Variants in STT3B observed in about 807,000 individuals in gnomAD.
STT3B encodes the protein STT3 oligosaccharyltransferase complex catalytic subunit B, also known as dolichyl-diphosphooligosaccharide--protein glycosyltransferase subunit STT3B.
A neutral mutation model predicts 96.8 loss-of-function variants in STT3B; 29 were observed. The observed-to-expected ratio is 0.30, with a 90% CI of 0.22 to 0.41. The LOEUF (loss-of-function observed/expected upper bound fraction) is 0.41. STT3B is among the 10% of genes least tolerant of loss of function. The probability of loss-of-function intolerance (pLI) is 1.00; values close to 1 mark genes in which losing one functional copy is unlikely to be tolerated. For missense variants in STT3B, 640 were observed against 1,022.3 expected, an observed-to-expected ratio of 0.63 and a Z score of 5.10; for synonymous variants, 367 against 360.0, an observed-to-expected ratio of 1.02 and a Z score of -0.22.
At chr3:31,605,192 G>A (rs918093305) in intron 5 of STT3B, among the ~76,000 whole-genome samples, 11 of 152,006 alleles carry the variant, frequency 7.2e-5, no homozygotes, top group African/African-American at 2.4e-4. Context: ...GTGAATCTAA[G>A]GAGTGTTCCT....
intron 13 of STT3B, among the ~76,000 whole-genome samples, chr3:31,627,302 T>C (rs1699558625): frequency 6.6e-6 from 1 of 152,160 alleles, no homozygotes; most frequent in African/African-American, 2.4e-5. Context: ...ATGCAGGGGA[T>C]CTAGGTTGCA....
At chr3:31,555,519 C>T (rs1292651988) in intron 1 of STT3B, among the ~76,000 whole-genome samples, 1 of 152,032 alleles carries the variant, frequency 6.6e-6, no homozygotes, top group African/African-American at 2.4e-5. Flanking sequence ...TTCTGTTACT[C>T]CTGCTTCTCT....
chr3:31,578,767 T>A (rs1403166731), intron 2 of STT3B, among the ~76,000 whole-genome samples: 2 of 152,102 alleles, frequency 1.3e-5, no homozygotes, highest in Non-Finnish European at 2.9e-5. Context: ...GGGGAAAAAT[T>A]TCCTGCTATT....
chr3:31,572,056 A>G (rs1277913784), intron 1 of STT3B, among the ~76,000 whole-genome samples: 33 of 138,632 alleles, frequency 2.4e-4, no homozygotes, highest in African/African-American at 8.9e-4. Context: ...AATATATCAT[A>G]TATTAATATA....
At chr3:31,581,289 T>C (rs1054901386) in intron 3 of STT3B, among the ~76,000 whole-genome samples, 7 of 152,192 alleles carry the variant, frequency 4.6e-5, no homozygotes, top group Non-Finnish European at 8.8e-5. Flanking sequence ...CTAGCTCAGC[T>C]AAAAAAATTT....
chr3:31,609,038 C>T (rs181477229), intron 5 of STT3B, among the ~76,000 whole-genome samples: 1 of 152,222 alleles, frequency 6.6e-6, no homozygotes, highest in East Asian at 1.9e-4. Flanking sequence ...TTGCTTGAAC[C>T]TGGGAGGCGG....
Position 31,533,010 on chromosome 3 carries a change from C to A in STT3B, c.12C>A (p.Pro4=). MAE[P]SAPESKHKSS... ...CGCCGGGGCACAACATGGCGGAGCC[C>A]TCGGCCCCGGAGAGCAAGCACAAGT... The change falls in exon 1 of 16, where the codon CCC becomes CCA. Residue 4 remains proline, a synonymous_variant. Transcript: ENST00000295770. 6.3e-7 allele frequency: 1 copy of A among 1,589,450 alleles called. No homozygotes were observed. Among genetic ancestry groups the A allele is most frequent in the Non-Finnish European group, 8.6e-7 (1 of 1,169,358 alleles).
At chr3:31,574,964 C>T (rs1321356674) in intron 1 of STT3B, among the ~76,000 whole-genome samples, 1 of 151,958 alleles carries the variant, frequency 6.6e-6, no homozygotes, top group African/African-American at 2.4e-5. Context: ...TCATTTTTGT[C>T]CTTTATGCTA....
chr3:31,600,255 T>C lies in STT3B; in HGVS notation c.778-105T>C. On this transcript the variant is annotated intron_variant, in intron 4 of 15. Coordinates refer to ENST00000295770, the MANE Select transcript of STT3B (RefSeq NM_178862.3). Reference sequence around the variant, plus strand: ...TTATTTAAGCATTTCTCAAAATTGCTAAAATCTTAATGTTTATATTTGCTC... The same window carrying C: ...TTATTTAAGCATTTCTCAAAATTGCCAAAATCTTAATGTTTATATTTGCTC... The C allele has an allele frequency of 6.5e-6, 3 of 460,632 alleles. No homozygotes were observed. In the East Asian group the frequency reaches 1.0e-4, roughly 15 times the overall value. The allele number at this position is 460,632 out of a possible 1,614,324, so 28.5% of individuals were successfully genotyped here. A position where few individuals can be genotyped will look rare whatever the true frequency, so the allele number is the denominator to read the frequency against.
At chr3:31,588,719 T>C (rs546278250) in intron 3 of STT3B, among the ~76,000 whole-genome samples, 65 of 152,240 alleles carry the variant, frequency 4.3e-4, no homozygotes, top group South Asian at 8.3e-4. Context: ...TAGATTGATT[T>C]TTTTTTGTAT....
chr3:31,579,173 TA>T (rs1698325202), intron 2 of STT3B, among the ~76,000 whole-genome samples: 1 of 152,022 alleles, frequency 6.6e-6, no homozygotes, highest in South Asian at 2.1e-4. Context: ...CTTTTATCCC[TA>T]AGTACTTTAT....
chr3:31,557,951 CT>C (rs1218679017), intron 1 of STT3B, among the ~76,000 whole-genome samples: 2 of 152,190 alleles, frequency 1.3e-5, no homozygotes, highest in Non-Finnish European at 2.9e-5. Flanking sequence ...AATGGGATTG[CT>C]TTCCTGATTT....
At chr3:31,559,529 T>C (rs933059327) in intron 1 of STT3B, among the ~76,000 whole-genome samples, 1 of 152,132 alleles carries the variant, frequency 6.6e-6, no homozygotes, top group Admixed American at 6.5e-5. Flanking sequence ...CTCTTGTTAT[T>C]GATTTCTCAT....
intron 1 of STT3B, among the ~76,000 whole-genome samples, chr3:31,548,614 TCTC>T (rs1697474053): frequency 4.6e-5 from 7 of 152,276 alleles, no homozygotes; most frequent in Admixed American, 4.6e-4. Flanking sequence ...ATTGACCACC[TCTC>T]CTCAACCTGT....
chr3:31,544,954 C>T (rs1173308609), intron 1 of STT3B, among the ~76,000 whole-genome samples: 1 of 151,944 alleles, frequency 6.6e-6, no homozygotes, highest in East Asian at 1.9e-4. Context: ...GGGGGGGGAA[C>T]ATTGCATATG....
At chr3:31,580,133 CG>C in intron 3 of STT3B, 37 bp downstream of exon 3, 1 of 1,586,058 alleles carries the variant, frequency 6.3e-7, no homozygotes, top group Non-Finnish European at 8.6e-7. Context: ...CATTATTACT[CG>C]TGACCTTTCT....
chr3:31,583,204 G>C (rs191141346), intron 3 of STT3B, among the ~76,000 whole-genome samples: 7 of 151,924 alleles, frequency 4.6e-5, no homozygotes, highest in African/African-American at 1.5e-4. Flanking sequence ...TATTTTGATG[G>C]TCTGTTATCA....
chr3:31,580,687 T>C (rs1698364261), intron 3 of STT3B, among the ~76,000 whole-genome samples: 1 of 152,158 alleles, frequency 6.6e-6, no homozygotes, highest in Non-Finnish European at 1.5e-5. Flanking sequence ...GCATAAATTT[T>C]CTCTTTAATA....
intron 1 of STT3B, among the ~76,000 whole-genome samples, chr3:31,557,262 C>T (rs931055760): frequency 1.3e-5 from 2 of 152,124 alleles, no homozygotes; most frequent in African/African-American, 4.8e-5. Context: ...ATACTAAAAC[C>T]ATGCTGTTTG....
Sources: gnomAD v4.1 joint callset for allele counts (sites outside exome capture counted in the v4.1 genomes callset) on GRCh38, gnomAD v4.1.1 for gene constraint, MANE v1.5 for transcripts, NCBI Gene and HGNC (gene_info 2026-07-23, HGNC 2026-07-21) for gene names.